KIRREL1: variants seen among roughly 807,000 people sequenced by gnomAD.
KIRREL1 encodes kirre like nephrin family adhesion molecule 1, also known as kin of IRRE-like protein 1.
Under a neutral mutation model 83.3 loss-of-function variants are expected in KIRREL1, and 25 were observed. That is an observed-to-expected ratio of 0.30 (90% CI 0.22 to 0.42). The LOEUF is 0.42. Ranked by LOEUF, KIRREL1 falls within the 10% of genes least tolerant of loss-of-function variation. The pLI is 1.00. For synonymous variants in KIRREL1, 388 were observed against 410.4 expected (o/e 0.95, Z 0.66); for missense variants, 812 against 1,032.3 (o/e 0.79, Z 2.92).
chr1:158,096,799 C>A lies in KIRREL1; in HGVS notation c.*1679C>A, dbSNP rs200772385. 5 of 456,702 alleles carry A rather than the reference C, an allele frequency of 1.1e-5. No individual in the cohort carries two copies. In the East Asian group the frequency reaches 3.5e-4, roughly 32 times the overall value. 28.3% of individuals were successfully genotyped at this position (456,702 alleles called of 1,614,324 possible). ...GCAGTGTCTGGAGTTGGCTGTTTCC[C>A]GCCTCCCCAGCTGCATGTCCAGCCC... On this transcript the variant is annotated 3_prime_UTR_variant, in exon 15 of 15. Transcript: ENST00000359209.
chr1:158,093,905 A>G (rs1662279230), intron 13 of KIRREL1, 143 bp downstream of exon 13: 1 of 874,750 alleles, frequency 1.1e-6, no homozygotes, highest in African/African-American at 1.7e-5. Context: ...TCCCACACTC[A>G]CACACATTCT....
intron 1 of KIRREL1, among the ~76,000 whole-genome samples, chr1:158,038,488 T>C (rs1209143442): frequency 2.0e-5 from 2 of 100,726 alleles, no homozygotes; most frequent in South Asian, 5.6e-4. Context: ...TCTTCCTCTT[T>C]TTTTTTTTTT....
At chr1:158,027,573 G>A (rs919566766) in intron 1 of KIRREL1, among the ~76,000 whole-genome samples, 4 of 152,218 alleles carry the variant, frequency 2.6e-5, no homozygotes, top group Admixed American at 6.5e-5. Flanking sequence ...GGGGCTGCCA[G>A]CCACCAGTCA....
At chr1:158,034,667 A>G (rs1028111683) in intron 1 of KIRREL1, among the ~76,000 whole-genome samples, 2 of 152,238 alleles carry the variant, frequency 1.3e-5, no homozygotes, top group Non-Finnish European at 2.9e-5. Context: ...AAATGAATAT[A>G]AAAGTGATTT....
At chr1:158,032,332 A>G (rs1660350451) in intron 1 of KIRREL1, among the ~76,000 whole-genome samples, 1 of 152,078 alleles carries the variant, frequency 6.6e-6, no homozygotes, top group Non-Finnish European at 1.5e-5. Flanking sequence ...GCTTGGGAGC[A>G]GGGAGATGAG....
At chr1:158,021,792 C>A (rs1180693693) in intron 1 of KIRREL1, among the ~76,000 whole-genome samples, 1 of 152,074 alleles carries the variant, frequency 6.6e-6, no homozygotes, top group Admixed American at 6.5e-5. Flanking sequence ...CTTCTGTTCA[C>A]TTGTAAGGTT....
chr1:158,022,172 CA>C (rs1425526361), intron 1 of KIRREL1, among the ~76,000 whole-genome samples: 6 of 151,868 alleles, frequency 4.0e-5, no homozygotes, highest in African/African-American at 1.5e-4. Context: ...GATTTCTGGG[CA>C]CATAAACCTG....
In KIRREL1 at chr1:158,071,094, C is replaced by G. The variant is rs1036333213; in HGVS notation, c.53-5019C>G. 5.9e-5 allele frequency among the ~76,000 whole-genome samples: 9 copies of G among 152,306 alleles called. 1 individual carries two copies. The South Asian group carries it at 1.2e-3, about 21-fold the overall frequency. On this transcript the variant is annotated intron_variant, in intron 1 of 14. Coordinates refer to ENST00000359209, the MANE Select transcript of KIRREL1 (RefSeq NM_018240.7). ...TCCATCTCTCTGCCTTCCTTCCCCC[C>G]TGCTTTGCCTCGGGTTTCTATTACT...
chr1:158,058,360 C>T (rs535938317), intron 1 of KIRREL1, among the ~76,000 whole-genome samples: 8 of 152,292 alleles, frequency 5.3e-5, no homozygotes, highest in African/African-American at 7.2e-5. Context: ...CCATAGCTGA[C>T]GAGTTATTAA....
intron 1 of KIRREL1, among the ~76,000 whole-genome samples, chr1:158,071,339 T>A (rs1469767162): frequency 1.3e-5 from 2 of 152,154 alleles, no homozygotes; most frequent in Non-Finnish European, 2.9e-5. Context: ...GTCAGCCTTC[T>A]GGGTACGTGT....
At chr1:158,071,288 GTC>G (rs1661507496) in intron 1 of KIRREL1, among the ~76,000 whole-genome samples, 2 of 152,190 alleles carry the variant, frequency 1.3e-5, no homozygotes, top group Admixed American at 1.3e-4. Flanking sequence ...CTGCGTGGGT[GTC>G]TGTCTTTGTC....
chr1:158,077,873 TCA>T (rs1661729529), intron 2 of KIRREL1, 116 bp from the exon 3 acceptor site: 1 of 1,188,680 alleles, frequency 8.4e-7, no homozygotes, highest in African/African-American at 1.5e-5. Context: ...GTCTGGGGCC[TCA>T]CCTTCTCACC....
At chr1:158,009,562 G>A (rs1659611063) in intron 1 of KIRREL1, among the ~76,000 whole-genome samples, 1 of 152,236 alleles carries the variant, frequency 6.6e-6, no homozygotes, top group African/African-American at 2.4e-5. Context: ...TTGTGAGGGA[G>A]GGAGGGTCCT....
intron 1 of KIRREL1, among the ~76,000 whole-genome samples, chr1:158,018,598 G>T (rs1659906103): frequency 6.6e-6 from 1 of 152,140 alleles, no homozygotes; most frequent in Non-Finnish European, 1.5e-5. Flanking sequence ...TGGAGGAAGG[G>T]CGAAAGCAAA....
chr1:158,032,888 A>G (rs1660368223), intron 1 of KIRREL1, among the ~76,000 whole-genome samples: 1 of 151,942 alleles, frequency 6.6e-6, no homozygotes, highest in Admixed American at 6.6e-5. Context: ...CTCCTGTCTC[A>G]GCCTCCCGAG....
chr1:158,017,728 A>C (rs571886725), intron 1 of KIRREL1, among the ~76,000 whole-genome samples: 1 of 146,286 alleles, frequency 6.8e-6, no homozygotes, highest in Non-Finnish European at 1.5e-5. Context: ...ATTTCTGAGA[A>C]AGAAAATAGT....
Position 158,097,269 on chromosome 1 carries a change from A to G in KIRREL1, c.*2149A>G. Reference sequence around the variant, plus strand: ...ATTATTTTCACAAAAACCAGAAACCATGGGGGAATCCAAAGACTTGAAGTC... The same window carrying G: ...ATTATTTTCACAAAAACCAGAAACCGTGGGGGAATCCAAAGACTTGAAGTC... On this transcript the variant is annotated 3_prime_UTR_variant, in exon 15 of 15. Coordinates refer to ENST00000359209, the MANE Select transcript of KIRREL1 (RefSeq NM_018240.7). The G allele has an allele frequency of 6.9e-6, 2 of 291,152 alleles. No individual in the cohort carries two copies. The highest frequency in any genetic ancestry group is 5.6e-5 in the Admixed American group (1 of 17,766). 18.0% of individuals were successfully genotyped at this position (291,152 alleles called of 1,614,324 possible).
intron 1 of KIRREL1, among the ~76,000 whole-genome samples, chr1:158,008,411 C>A (rs1309433167): frequency 6.6e-6 from 1 of 152,102 alleles, no homozygotes; most frequent in Non-Finnish European, 1.5e-5. Context: ...CCTGGCCTGC[C>A]CTAGGGGTAC....
At chr1:158,084,698 C>T in intron 4 of KIRREL1, 119 bp downstream of exon 4, 4 of 1,046,542 alleles carry the variant, frequency 3.8e-6, no homozygotes, top group Non-Finnish European at 5.4e-6. Context: ...TCTTAGAGGT[C>T]ATCTGGTTCA....
Sources: allele counts gnomAD v4.1 joint callset (sites outside exome capture counted in the v4.1 genomes callset), GRCh38; gene constraint gnomAD v4.1.1; transcripts MANE v1.5; gene names NCBI Gene and HGNC (gene_info 2026-07-23, HGNC 2026-07-21).